Variants in SUGCT observed in about 807,000 individuals in gnomAD.
SUGCT encodes succinyl-CoA:glutarate CoA-transferase.
SUGCT carries 41 observed loss-of-function variants against 55.0 expected under a neutral mutation model. The observed-to-expected ratio is 0.74, with a 90% confidence interval of 0.58 to 0.97. The LOEUF (loss-of-function observed/expected upper bound fraction) is 0.97. Among genes scored for constraint, SUGCT ranks in the 50% least tolerant of loss-of-function variants. The pLI, the probability that SUGCT is intolerant of heterozygous loss-of-function variation, is 0.00. For missense variants in SUGCT, 568 were observed against 547.8 expected (o/e 1.04, Z -0.37); for synonymous variants, 187 against 200.4 (o/e 0.93, Z 0.56).
intron 12 of SUGCT, among the ~76,000 whole-genome samples, chr7:40,647,246 G>A (rs1800563905): frequency 6.6e-6 from 1 of 152,196 alleles, no homozygotes; most frequent in Admixed American, 6.5e-5. Context: ...ACTTACCTGT[G>A]TATTTGGTAG....
At chr7:40,431,218 G>A (rs1562771843) in intron 9 of SUGCT, among the ~76,000 whole-genome samples, 2 of 151,504 alleles carry the variant, frequency 1.3e-5, no homozygotes, top group Non-Finnish European at 2.9e-5. Context: ...TCTTCTCTGT[G>A]CCCTTGGGAA....
At chr7:40,798,319 C>A (rs868429604) in intron 13 of SUGCT, among the ~76,000 whole-genome samples, 1 of 152,124 alleles carries the variant, frequency 6.6e-6, no homozygotes, top group African/African-American at 2.4e-5. Flanking sequence ...TTAATTATGA[C>A]AAAAGAATAA....
chr7:40,652,091 A>G (rs1800807250), intron 12 of SUGCT, among the ~76,000 whole-genome samples: 1 of 152,000 alleles, frequency 6.6e-6, no homozygotes, highest in Non-Finnish European at 1.5e-5. Context: ...GAAGTCTTTT[A>G]TTCTTCCCTA....
chr7:40,832,050 G>A (rs1451270070), intron 13 of SUGCT, among the ~76,000 whole-genome samples: 1 of 152,188 alleles, frequency 6.6e-6, no homozygotes, highest in African/African-American at 2.4e-5. Context: ...GTGTGCAGGG[G>A]AATGAAAGAA....
intron 1 of SUGCT, among the ~76,000 whole-genome samples, chr7:40,150,998 A>T (rs1788537558): frequency 6.6e-6 from 1 of 152,160 alleles, no homozygotes; most frequent in South Asian, 2.1e-4. Flanking sequence ...GCACTTCGGG[A>T]GGCTGAGGCG....
chr7:40,148,301 C>T, intron 1 of SUGCT, among the ~76,000 whole-genome samples: 1 of 152,156 alleles, frequency 6.6e-6, no homozygotes, highest in East Asian at 1.9e-4. Flanking sequence ...TCCTATCTAA[C>T]ACAGGCAATT....
the SUGCT span, among the ~76,000 whole-genome samples, chr7:40,962,571 A>T: frequency 1.1e-5 from 1 of 90,030 alleles, no homozygotes; most frequent in Non-Finnish European, 2.3e-5. Context: ...TAAATCACAC[A>T]CACACACACA....
At chr7:40,682,032 C>T (rs915721287) in intron 12 of SUGCT, among the ~76,000 whole-genome samples, 1 of 152,188 alleles carries the variant, frequency 6.6e-6, no homozygotes, top group Non-Finnish European at 1.5e-5. Context: ...TGACTAACTT[C>T]CTTGGCTGTT....
At chr7:40,880,547 C>T in the SUGCT span, among the ~76,000 whole-genome samples, 1 of 152,110 alleles carries the variant, frequency 6.6e-6, no homozygotes, top group Non-Finnish European at 1.5e-5. Flanking sequence ...ATTCTACTAT[C>T]TATATTTATT....
chr7:40,864,350 C>T (rs1794543505), downstream of SUGCT, among the ~76,000 whole-genome samples: 2 of 152,142 alleles, frequency 1.3e-5, no homozygotes, highest in Admixed American at 6.5e-5. Context: ...CAGGGTTTCA[C>T]CATGTTGGCC....
chr7:40,645,781 A>G (rs985557939), intron 12 of SUGCT, among the ~76,000 whole-genome samples: 1 of 152,130 alleles, frequency 6.6e-6, no homozygotes, highest in African/African-American at 2.4e-5. Context: ...GTGAAGAGGA[A>G]CAGGTGGGAG....
intron 9 of SUGCT, among the ~76,000 whole-genome samples, chr7:40,439,876 T>C (rs1788407151): frequency 6.6e-6 from 1 of 152,154 alleles, no homozygotes; most frequent in Non-Finnish European, 1.5e-5. Flanking sequence ...CCGTGATTCA[T>C]GTCAAACTGC....
chr7:40,399,648 C>T (rs531163682), intron 9 of SUGCT, among the ~76,000 whole-genome samples: 9 of 152,232 alleles, frequency 5.9e-5, no homozygotes, highest in East Asian at 5.8e-4. Flanking sequence ...TTCATGTGTC[C>T]GTCTCCAAAC....
chr7:40,156,827 C>A (rs1280474541), intron 1 of SUGCT, among the ~76,000 whole-genome samples: 2 of 151,884 alleles, frequency 1.3e-5, no homozygotes, highest in Non-Finnish European at 2.9e-5. Flanking sequence ...CCAGCCTGGC[C>A]AACGTGGTGA....
the SUGCT span, among the ~76,000 whole-genome samples, chr7:40,973,237 G>A: frequency 3.9e-5 from 6 of 152,240 alleles, no homozygotes; most frequent in Non-Finnish European, 7.4e-5. Context: ...TGGACAGGTG[G>A]TATGTTCTGT....
chr7:40,894,694 C>G, the SUGCT span, among the ~76,000 whole-genome samples: 1 of 152,124 alleles, frequency 6.6e-6, no homozygotes, highest in Admixed American at 6.5e-5. Flanking sequence ...ATGTGACCAA[C>G]AAGCATCTGA....
intron 7 of SUGCT, among the ~76,000 whole-genome samples, chr7:40,241,578 CAAAA>C (rs111742538): frequency 1.3e-5 from 1 of 75,104 alleles, no homozygotes; most frequent in Non-Finnish European, 2.8e-5. Flanking sequence ...GACTCTGTCT[CAAAA>C]AAAAAAAAAA....
intron 12 of SUGCT, among the ~76,000 whole-genome samples, chr7:40,663,235 A>G (rs781363159): frequency 4.6e-5 from 7 of 152,132 alleles, no homozygotes; most frequent in Non-Finnish European, 7.3e-5. Flanking sequence ...AATTAAGGGT[A>G]ATTCTTTTTA....
intron 8 of SUGCT, among the ~76,000 whole-genome samples, chr7:40,298,754 C>G (rs1245240144): frequency 6.7e-6 from 1 of 149,284 alleles, no homozygotes; most frequent in Non-Finnish European, 1.5e-5. Flanking sequence ...TTTTTTGGGT[C>G]CAGGTTTTCA....
Sources: allele counts gnomAD v4.1 joint callset (sites outside exome capture counted in the v4.1 genomes callset), GRCh38; gene constraint gnomAD v4.1.1; transcripts MANE v1.5; gene names NCBI Gene and HGNC (gene_info 2026-07-23, HGNC 2026-07-21).